CACNB2: variants seen among roughly 807,000 people sequenced by gnomAD.
The protein encoded by CACNB2 is calcium voltage-gated channel auxiliary subunit beta 2, also known as voltage-dependent L-type calcium channel subunit beta-2.
In CACNB2, 42 loss-of-function variants were observed where a neutral mutation model predicts 73.3. The ratio of observed to expected loss-of-function variants is 0.57; its 90% confidence interval spans 0.45 to 0.74. The LOEUF is 0.74. Among genes scored for constraint, CACNB2 ranks in the 30% least tolerant of loss-of-function variants. CACNB2 has a pLI of 0.00. For missense variants in CACNB2, 940 were observed against 853.0 expected (o/e 1.10, Z -1.27); for synonymous variants, 348 against 310.3 (o/e 1.12, Z -1.28).
intron 2 of CACNB2, among the ~76,000 whole-genome samples, chr10:18,164,456 T>G (rs535182555): frequency 6.6e-6 from 1 of 152,286 alleles, no homozygotes; most frequent in African/African-American, 2.4e-5. Context: ...AATTACCCTC[T>G]TTTGGAAGAA....
intron 3 of CACNB2, among the ~76,000 whole-genome samples, chr10:18,454,359 C>G (rs1441343477): frequency 6.6e-6 from 1 of 152,166 alleles, no homozygotes; most frequent in Non-Finnish European, 1.5e-5. Context: ...ATTAATCGCC[C>G]CCTTAAGGGG....
chr10:18,345,467 G>A (rs1452610636), intron 2 of CACNB2, among the ~76,000 whole-genome samples: 3 of 152,122 alleles, frequency 2.0e-5, no homozygotes, highest in Non-Finnish European at 2.9e-5. Flanking sequence ...CCTGCATTTA[G>A]ATTAATAAGT....
At chr10:18,264,663 T>C (rs952819959) in intron 2 of CACNB2, among the ~76,000 whole-genome samples, 1 of 152,230 alleles carries the variant, frequency 6.6e-6, no homozygotes, top group Non-Finnish European at 1.5e-5. Flanking sequence ...ATTGTATTCA[T>C]GATATTAACC....
chr10:18,296,411 C>T (rs1413897965), intron 2 of CACNB2, among the ~76,000 whole-genome samples: 1 of 152,120 alleles, frequency 6.6e-6, no homozygotes, highest in East Asian at 1.9e-4. Context: ...TTTACTTACG[C>T]TCACAGCCAT....
intron 2 of CACNB2, among the ~76,000 whole-genome samples, chr10:18,280,217 T>C (rs957787878): frequency 1.1e-5 from 1 of 89,314 alleles, no homozygotes; most frequent in Non-Finnish European, 2.7e-5. Context: ...GATTATAAAT[T>C]ACATTTACAA....
At chr10:18,521,338 G>A (rs988206932) in intron 9 of CACNB2, among the ~76,000 whole-genome samples, 1 of 152,198 alleles carries the variant, frequency 6.6e-6, no homozygotes. Context: ...GGAAGAGAAG[G>A]GTATGTTCAG....
Position 18,541,487 on chromosome 10 carries a change from G to A in CACNB2, c.*1763G>A, listed in dbSNP as rs747548854. On this transcript the variant is annotated 3_prime_UTR_variant, in exon 14 of 14. Coordinates refer to ENST00000324631, the MANE Select transcript of CACNB2 (RefSeq NM_201596.3). ...TGGTAAGACAGTATTAAGAGTGCAA[G>A]TACCTGGCACTTGAAGTTTGTCCCA... 6.6e-6 allele frequency: 1 copy of A among 152,140 alleles called. No homozygotes were observed. The highest frequency in any genetic ancestry group is 2.4e-5 in the African/African-American group (1 of 41,406). 9.4% of individuals were successfully genotyped at this position (152,140 alleles called of 1,614,324 possible). A position where few individuals can be genotyped will look rare whatever the true frequency, so the allele number is the denominator to read the frequency against.
At chr10:18,366,955 C>G (rs1407638158) in intron 2 of CACNB2, among the ~76,000 whole-genome samples, 1 of 152,186 alleles carries the variant, frequency 6.6e-6, no homozygotes, top group African/African-American at 2.4e-5. Context: ...TATATTCCAG[C>G]TGTGGAAACT....
chr10:18,519,952 C>T (rs1449705926), intron 9 of CACNB2: 8 of 334,826 alleles, frequency 2.4e-5, no homozygotes, highest in Non-Finnish European at 4.1e-5. Context: ...GTTTCTGGAA[C>T]CACACTTTTC....
In CACNB2 at chr10:18,197,529, A is replaced by T. The variant is rs146011256; in HGVS notation, c.213+46554A>T. 3.2e-4 allele frequency among the ~76,000 whole-genome samples: 48 copies of T among 152,244 alleles called. 1 individual carries two copies. Among genetic ancestry groups the T allele is most frequent in the African/African-American group, 8.9e-4 (37 of 41,550 alleles). On this transcript the variant is annotated intron_variant, in intron 2 of 13. Coordinates refer to ENST00000324631, the MANE Select transcript of CACNB2 (RefSeq NM_201596.3). Reference sequence around the variant, plus strand: ...CTGTCCTCCTTCAGCCAACAGTGTGATGGTTATAGGATTTCAGATCCTCAT... The same window carrying T: ...CTGTCCTCCTTCAGCCAACAGTGTGTTGGTTATAGGATTTCAGATCCTCAT...
At chr10:18,229,303 G>A (rs771503093) in intron 2 of CACNB2, among the ~76,000 whole-genome samples, 36 of 152,082 alleles carry the variant, frequency 2.4e-4, no homozygotes, top group African/African-American at 7.0e-4. Context: ...AACAAGAATC[G>A]TTATTCCCAT....
intron 3 of CACNB2, among the ~76,000 whole-genome samples, chr10:18,438,536 G>A (rs989392437): frequency 1.3e-5 from 2 of 152,154 alleles, no homozygotes. Context: ...CTCACCACCT[G>A]TGCTCTGCTC....
At chr10:18,289,309 T>TTTTTG (rs2038956460) in intron 2 of CACNB2, among the ~76,000 whole-genome samples, 1 of 130,104 alleles carries the variant, frequency 7.7e-6, no homozygotes. Context: ...TTTTTTTTTT[T>TTTTTG]TTTGAGATGG....
rs1183558202 is a variant in CACNB2 at position 18,298,260 on chromosome 10, T to G, written c.214-103664T>G. Among the ~76,000 whole-genome samples the G allele has an allele frequency of 4.0e-5, 6 of 151,696 alleles. No homozygotes were observed. In the East Asian group the frequency reaches 7.8e-4, roughly 20 times the overall value. On this transcript the variant is annotated intron_variant, in intron 2 of 13. Transcript: ENST00000324631. ...GGTGGGCGCCTGTAACTCCAGCCAC[T>G]CGGGAGGCTGAGGCAGGAGAATCAC...
chr10:18,361,450 G>A (rs1168431388), intron 2 of CACNB2, among the ~76,000 whole-genome samples: 1 of 146,088 alleles, frequency 6.8e-6, no homozygotes, highest in East Asian at 2.1e-4. Flanking sequence ...AGTGAGCCAA[G>A]ATCGCACCAC....
At chr10:18,357,178 C>A (rs1021929242) in intron 2 of CACNB2, among the ~76,000 whole-genome samples, 23 of 148,950 alleles carry the variant, frequency 1.5e-4, no homozygotes, top group Non-Finnish European at 2.7e-4. Context: ...CTCCTGACCT[C>A]GTGATCCGCC....
chr10:18,429,881 G>T (rs1196874316), intron 3 of CACNB2, among the ~76,000 whole-genome samples: 1 of 151,708 alleles, frequency 6.6e-6, no homozygotes. Flanking sequence ...CAGGAGGCTG[G>T]GGTGGGAAGA....
chr10:18,178,329 A>T (rs931385331), intron 2 of CACNB2, among the ~76,000 whole-genome samples: 2 of 152,204 alleles, frequency 1.3e-5, no homozygotes, highest in Non-Finnish European at 2.9e-5. Context: ...TTTTAGCATT[A>T]ACTCTACCTA....
chr10:18,224,220 C>T (rs1173315971), intron 2 of CACNB2: 1 of 151,940 alleles, frequency 6.6e-6, no homozygotes, highest in African/African-American at 2.4e-5. Flanking sequence ...GGACTATGAA[C>T]AACTGCTTTA....
Sources: allele counts gnomAD v4.1 joint callset (sites outside exome capture counted in the v4.1 genomes callset), GRCh38; gene constraint gnomAD v4.1.1; transcripts MANE v1.5; gene names NCBI Gene and HGNC (gene_info 2026-07-23, HGNC 2026-07-21).